The following PPP2R1B variants were observed in gnomAD, a reference collection of about 807,000 sequenced individuals.
PPP2R1B encodes serine/threonine-protein phosphatase 2A 65 kDa regulatory subunit A beta isoform.
In PPP2R1B, 58 loss-of-function variants were observed where a neutral mutation model predicts 72.7. The ratio of observed to expected loss-of-function variants is 0.80; its 90% CI spans 0.65 to 0.99. The LOEUF (loss-of-function observed/expected upper bound fraction) is 0.99, where lower values mean the gene tolerates loss of function less well. PPP2R1B is among the 50% of genes least tolerant of loss of function. The pLI, the probability that PPP2R1B is intolerant of heterozygous loss-of-function variation, is 0.00. For missense variants in PPP2R1B, 695 were observed against 733.6 expected (o/e 0.95, Z 0.61); for synonymous variants, 256 against 264.6 (o/e 0.97, Z 0.32).
At chr11:111,695,405 C>CT in the PPP2R1B span, among the ~76,000 whole-genome samples, 4 of 151,892 alleles carry the variant, frequency 2.6e-5, no homozygotes, top group South Asian at 4.2e-4. Context: ...GTTTTGTGTG[C>CT]TTTTTTCCTG....
chr11:111,709,237 C>T, the PPP2R1B span, among the ~76,000 whole-genome samples: 478 of 152,282 alleles, frequency 3.1e-3, 3 homozygotes, highest in Non-Finnish European at 4.3e-3. Flanking sequence ...AGAAAGATCT[C>T]TGGTGTCTCT....
At chr11:111,750,869 T>TA (rs1944880312) in intron 10 of PPP2R1B, among the ~76,000 whole-genome samples, 1 of 152,076 alleles carries the variant, frequency 6.6e-6, no homozygotes, top group South Asian at 2.1e-4. Context: ...CACAAAGTTT[T>TA]ACTCTGTTGC....
chr11:111,728,332 AGGCTGGAATGCAGT>A (rs1944045852), intron 15 of PPP2R1B: 2 of 151,570 alleles, frequency 1.3e-5, no homozygotes, highest in Non-Finnish European at 2.9e-5. Context: ...TCTGTCACCC[AGGCTGGAATGCAGT>A]GGCGTGATTT....
the PPP2R1B span, among the ~76,000 whole-genome samples, chr11:111,713,761 G>A: frequency 6.6e-6 from 1 of 152,206 alleles, no homozygotes; most frequent in East Asian, 1.9e-4. Flanking sequence ...GACGTCAGGA[G>A]TTCAAGACCA....
chr11:111,708,542 A>AT, the PPP2R1B span, among the ~76,000 whole-genome samples: 14 of 151,982 alleles, frequency 9.2e-5, no homozygotes, highest in Non-Finnish European at 1.8e-4. Context: ...AATACGTCAT[A>AT]TTTTTTTCTC....
At chr11:111,737,860 A>G, downstream of PPP2R1B, 1 of 1,225,708 alleles carries the variant, frequency 8.2e-7, no homozygotes, top group Non-Finnish European at 1.0e-6. Flanking sequence ...CCCCAACCAC[A>G]GGAAAGACCT....
Position 111,741,607 on chromosome 11 carries a change from C to T in PPP2R1B, c.1795G>A (p.Ala599Thr). The change falls in exon 15 of 15, where the codon GCA becomes ACA. Residue 599 changes from alanine to threonine, a missense_variant. Coordinates refer to ENST00000527614, the MANE Select transcript of PPP2R1B (RefSeq NM_002716.5). ...CCTCCTGCTCCTCATTATGCCAATGCAAGAACTGGAAAATTCCAAACAAAA... is the reference window on the plus strand; with the variant it reads ...CCTCCTGCTCCTCATTATGCCAATGTAAGAACTGGAAAATTCCAAACAAAA... Reference protein sequence around the residue: ...YFAQEAISVLALA With the variant: ...YFAQEAISVLTLA The T allele has an allele frequency of 6.2e-7, 1 of 1,613,124 alleles. No homozygotes were observed. Among genetic ancestry groups the T allele is most frequent in the Non-Finnish European group, 8.5e-7 (1 of 1,179,786 alleles).
Position 111,741,234 on chromosome 11 carries a change from C to T in PPP2R1B, c.*362G>A. ...TGTAAACGTCAAGAGAATCACTCCA[C>T]TCCACGTCTGGGTCCACACCCTTCC... On this transcript the variant is annotated 3_prime_UTR_variant, in exon 15 of 15. Transcript: ENST00000527614. 9.5e-7 allele frequency: 1 copy of T among 1,052,168 alleles called. No homozygotes were observed. The highest frequency in any genetic ancestry group is 1.1e-6 in the Non-Finnish European group (1 of 872,462). 65.2% of individuals were successfully genotyped at this position (1,052,168 alleles called of 1,614,324 possible).
chr11:111,758,887 A>C (rs1945225206), intron 5 of PPP2R1B, among the ~76,000 whole-genome samples: 1 of 152,186 alleles, frequency 6.6e-6, no homozygotes, highest in African/African-American at 2.4e-5. Context: ...AATTATTTTC[A>C]AAGTAGGATT....
At chr11:111,693,158 C>T in the PPP2R1B span, among the ~76,000 whole-genome samples, 1 of 152,012 alleles carries the variant, frequency 6.6e-6, no homozygotes. Flanking sequence ...ATGGTGAAAC[C>T]CCGTCTCTAC....
At chr11:111,701,370 C>T in the PPP2R1B span, 1 of 1,501,808 alleles carries the variant, frequency 6.7e-7, no homozygotes, top group Non-Finnish European at 8.9e-7. This position sits in a 1 kb window ranked among gnomAD's most constrained non-coding sequence, Gnocchi z 4.2. Flanking sequence ...CATATGATTT[C>T]AAGAGCCCTG....
At position 111,738,194 on chromosome 11, in the gene PPP2R1B, C is replaced by G. The variant is rs1377937320; in HGVS notation, c.*3402G>C. 28 of 985,642 alleles carry G rather than the reference C, an allele frequency of 2.8e-5. No homozygotes were observed. The highest frequency in any genetic ancestry group is 3.3e-5 in the Non-Finnish European group (27 of 830,214). 61.1% of individuals were successfully genotyped at this position (985,642 alleles called of 1,614,324 possible). Reference sequence around the variant, plus strand: ...GACTGCAGTCACCTCAGCTGCTAAACCAGGAGAACACTGGGCAACAGGGCC... The same window carrying G: ...GACTGCAGTCACCTCAGCTGCTAAAGCAGGAGAACACTGGGCAACAGGGCC... On this transcript the variant is annotated 3_prime_UTR_variant, in exon 15 of 15. Transcript: ENST00000527614.
At chr11:111,755,256 C>T (rs1555049238) in intron 6 of PPP2R1B, 39 bp downstream of exon 6, 1 of 1,570,388 alleles carries the variant, frequency 6.4e-7, no homozygotes, top group East Asian at 2.2e-5. Context: ...TATGTGTTTT[C>T]AGGTTTATTT....
downstream of PPP2R1B, chr11:111,724,112 T>C (rs1203714545): frequency 1.2e-6 from 2 of 1,610,982 alleles, no homozygotes; most frequent in South Asian, 1.1e-5. Flanking sequence ...ACACAACGGG[T>C]ATGTCCTGGT....
downstream of PPP2R1B, chr11:111,722,845 G>A (rs1374841008): frequency 5.0e-6 from 6 of 1,201,100 alleles, no homozygotes; most frequent in East Asian, 4.7e-5. This position sits in a 1 kb window ranked among gnomAD's most constrained non-coding sequence, Gnocchi z 4.4. Flanking sequence ...TCTCACATTC[G>A]CCACTACTAG....
the PPP2R1B span, among the ~76,000 whole-genome samples, chr11:111,713,094 G>A: frequency 6.6e-6 from 1 of 152,124 alleles, no homozygotes; most frequent in Non-Finnish European, 1.5e-5. Flanking sequence ...GAGCCCAGGG[G>A]GCCGAGGTGG....
chr11:111,709,405 C>A, the PPP2R1B span, among the ~76,000 whole-genome samples: 2 of 152,136 alleles, frequency 1.3e-5, no homozygotes, highest in East Asian at 3.9e-4. Context: ...CAATTCAGGT[C>A]ATAACAAGTA....
intron 15 of PPP2R1B, chr11:111,730,888 T>C (rs1244854156): frequency 2.0e-5 from 3 of 152,226 alleles, no homozygotes; most frequent in African/African-American, 4.8e-5. Context: ...GTTAATGCGA[T>C]AGGGTTTTTG....
At chr11:111,726,476 G>C (rs367752441), downstream of PPP2R1B, 1 of 156,520 alleles carries the variant, frequency 6.4e-6, no homozygotes, top group Non-Finnish European at 1.4e-5. Context: ...GATGCAGAGC[G>C]TGACCCCTCC....
Sources: allele counts gnomAD v4.1 joint callset (sites outside exome capture counted in the v4.1 genomes callset), GRCh38; gene constraint gnomAD v4.1.1; non-coding constraint Gnocchi (gnomAD v3.1); transcripts MANE v1.5; gene names NCBI Gene and HGNC (gene_info 2026-07-23, HGNC 2026-07-21).